Variants in TRIM62 observed in about 807,000 individuals in gnomAD.
TRIM62 encodes tripartite motif containing 62.
In TRIM62, 39 loss-of-function variants were observed where a neutral mutation model predicts 44.2. The ratio of observed to expected loss-of-function variants is 0.88; its 90% CI spans 0.68 to 1.15. The LOEUF is 1.15. Among genes scored for constraint, TRIM62 ranks in the 50% most tolerant of loss-of-function variants. The pLI, the probability that TRIM62 is intolerant of heterozygous loss-of-function variation, is 0.00. For missense variants in TRIM62, 544 were observed against 665.5 expected (o/e 0.82, Z 2.01); for synonymous variants, 278 against 292.3 (o/e 0.95, Z 0.50).
intron 4 of TRIM62, among the ~76,000 whole-genome samples, chr1:33,150,242 TCTTTC>T (rs1325502463): frequency 3.9e-5 from 6 of 152,350 alleles, no homozygotes; most frequent in African/African-American, 1.2e-4. Flanking sequence ...GCTCTCTGGC[TCTTTC>T]CTTTACTGGC....
Position 33,165,459 on chromosome 1 carries a change from G to A in TRIM62, c.504+12C>T, listed in dbSNP as rs111465519. On this transcript the variant is annotated intron_variant, in intron 2 of 4. Coordinates refer to ENST00000291416, the MANE Select transcript of TRIM62 (RefSeq NM_018207.3). This position sits in a 1 kb window ranked among gnomAD's most constrained non-coding sequence, Gnocchi z 4.0. ...TCTGCCGGCCCCACCTCCGCGCCCCGGCCAGGCTCACCTTGGTCTCCGCCA... is the reference window on the plus strand; with the variant it reads ...TCTGCCGGCCCCACCTCCGCGCCCCAGCCAGGCTCACCTTGGTCTCCGCCA... 1.6e-4 allele frequency: 259 copies of A among 1,582,420 alleles called. 1 individual carries two copies. The African/African-American group carries it at 3.0e-3, about 19-fold the overall frequency.
At chr1:33,176,762 C>T (rs57367785) in intron 1 of TRIM62, among the ~76,000 whole-genome samples, 152 of 152,338 alleles carry the variant, frequency 1.0e-3, no homozygotes, top group African/African-American at 3.6e-3. Context: ...CATTTACCAG[C>T]TGCGTGACCA....
At position 33,165,411 on chromosome 1, in the gene TRIM62, C is replaced by G; in HGVS notation, c.504+60G>C. Reference sequence around the variant, plus strand: ...CGCCCCTCTTCCCCAGCTGGCCCCGCCCCTCGAAGCCCTGCCCTCATCTCT... The same window carrying G: ...CGCCCCTCTTCCCCAGCTGGCCCCGGCCCTCGAAGCCCTGCCCTCATCTCT... On this transcript the variant is annotated intron_variant, in intron 2 of 4. Coordinates refer to ENST00000291416, the MANE Select transcript of TRIM62 (RefSeq NM_018207.3). The surrounding 1 kb of genome is among the most constrained non-coding windows in gnomAD (Gnocchi z 4.0). 6.8e-7 allele frequency: 1 copy of G among 1,461,172 alleles called. No homozygotes were observed. Among genetic ancestry groups the G allele is most frequent in the Non-Finnish European group, 9.3e-7 (1 of 1,080,982 alleles). The allele number at this position is 1,461,172 out of a possible 1,614,324, so 90.5% of individuals were successfully genotyped here.
chr1:33,175,001 G>GTATGTA lies in TRIM62; in HGVS notation c.408+6018_408+6023dup, dbSNP rs71006384. Reference sequence around the variant, plus strand: ...TATACATATATATGCACACACACATGTATGTATATGTATATGTATATGTAT... The same window carrying GTATGTA: ...TATACATATATATGCACACACACATGTATGTATATGTATATGTATATGTATATGTAT... On this transcript the variant is annotated intron_variant, in intron 1 of 4. Coordinates refer to ENST00000291416, the MANE Select transcript of TRIM62 (RefSeq NM_018207.3). Among the ~76,000 whole-genome samples the GTATGTA allele has an allele frequency of 3.6e-3, 483 of 135,654 alleles. 2 individuals carry two copies. The highest frequency in any genetic ancestry group is 9.4e-3 in the African/African-American group (324 of 34,312). The allele number at this position is 135,654 out of a possible 152,430, so 89.0% of individuals were successfully genotyped here. A position where few individuals can be genotyped will look rare whatever the true frequency, so the allele number is the denominator to read the frequency against.
In TRIM62 at chr1:33,147,069, G is replaced by T; in HGVS notation, c.*108C>A. The T allele has an allele frequency of 1.6e-6, 2 of 1,231,908 alleles. No homozygotes were observed. Among genetic ancestry groups the T allele is most frequent in the Admixed American group, 4.4e-5 (2 of 44,984 alleles). 76.3% of individuals were successfully genotyped at this position (1,231,908 alleles called of 1,614,324 possible). A position where few individuals can be genotyped will look rare whatever the true frequency, so the allele number is the denominator to read the frequency against. ...AGGCTGGAGGGTAAACAACTGGCCT[G>T]AGGTCTCCAGTGGCCACGGTGGGCT... On this transcript the variant is annotated 3_prime_UTR_variant, in exon 5 of 5. Transcript: ENST00000291416. The surrounding 1 kb of genome is among the most constrained non-coding windows in gnomAD (Gnocchi z 8.1).
In TRIM62 at chr1:33,181,315, C is replaced by T. The variant is rs992573079; in HGVS notation, c.118G>A (p.Val40Met). 24 of 1,567,038 alleles carry T rather than the reference C, an allele frequency of 1.5e-5. No individual in the cohort carries two copies. Among genetic ancestry groups the T allele is most frequent in the Non-Finnish European group, 2.1e-5 (24 of 1,160,868 alleles). The stretch of plus-strand genomic sequence containing the variant: ...CGGGCGCCCTGCGCCTCCTGCCGCA[C>T]CCAGTGCTCCGTGATGCAGCGGCGG... Reference protein sequence around the residue: ...FCRRCITEHWVRQEAQGARDC... With the variant: ...FCRRCITEHWMRQEAQGARDC... Residue 40 changes from valine (V) to methionine (M), a missense_variant, in exon 1 of 5, where the codon GTG becomes ATG. Transcript: ENST00000291416. The surrounding 1 kb of genome is among the most constrained non-coding windows in gnomAD (Gnocchi z 6.5).
rs1033783882 is a variant in TRIM62, at chr1:33,159,698, G to C, written c.751C>G (p.Leu251Val). 6.2e-7 allele frequency: 1 copy of C among 1,607,836 alleles called. No homozygotes were observed. The highest frequency in any genetic ancestry group is 1.3e-5 in the African/African-American group (1 of 74,922). Residue 251 changes from leucine to valine, a missense_variant, in exon 3 of 5, where the codon CTG (leucine) becomes GTG (valine). Leu to Val is a conservative substitution (Grantham distance 32, BLOSUM62 1). Transcript: ENST00000291416. The surrounding 1 kb of genome is among the most constrained non-coding windows in gnomAD (Gnocchi z 4.2). The stretch of plus-strand genomic sequence containing the variant: ...GCGGGTGGCACTTACCGCTCGGACA[G>C]TGAGGCCACCCCAGCCAGGAAGGTG... The part of the protein sequence containing the change: ...RHTFLAGVAS[L>V]SERLKGKIHE...
Position 33,177,123 on chromosome 1 carries a change from G to T in TRIM62, c.408+3902C>A, listed in dbSNP as rs185835546. Among the ~76,000 whole-genome samples the T allele has an allele frequency of 6.6e-6, 1 of 151,264 alleles. No homozygotes were observed. The highest frequency in any genetic ancestry group is 2.1e-4 in the South Asian group (1 of 4,760). On this transcript the variant is annotated intron_variant, in intron 1 of 4. Transcript: ENST00000291416. The surrounding 1 kb of genome is among the most constrained non-coding windows in gnomAD (Gnocchi z 4.1). Reference sequence around the variant, plus strand: ...CACATGCACACACACATGCATGTACGCATGCACACACACGCACATGCACAC... The same window carrying T: ...CACATGCACACACACATGCATGTACTCATGCACACACACGCACATGCACAC...
intron 1 of TRIM62, among the ~76,000 whole-genome samples, chr1:33,174,702 T>C (rs1466144768): frequency 6.6e-6 from 1 of 152,076 alleles, no homozygotes; most frequent in African/African-American, 2.4e-5. Flanking sequence ...TTCTTTCTGC[T>C]CCCTGGCCTG....
chr1:33,159,541 C>T lies in TRIM62; in HGVS notation c.761+147G>A. 1 of 1,205,566 alleles carries T rather than the reference C, an allele frequency of 8.3e-7. No homozygotes were observed. The highest frequency in any genetic ancestry group is 1.1e-6 in the Non-Finnish European group (1 of 887,610). 74.7% of individuals were successfully genotyped at this position (1,205,566 alleles called of 1,614,324 possible). A position where few individuals can be genotyped will look rare whatever the true frequency, so the allele number is the denominator to read the frequency against. On this transcript the variant is annotated intron_variant, in intron 3 of 4. Transcript: ENST00000291416. The surrounding 1 kb of genome is among the most constrained non-coding windows in gnomAD (Gnocchi z 4.2). ...TCATACTCAAGGCTTCATGCTCCTA[C>T]CCATAGCAGATGTCCCGTAAATGTT...
intron 1 of TRIM62, among the ~76,000 whole-genome samples, chr1:33,166,890 G>A (rs956363708): frequency 1.3e-5 from 2 of 152,070 alleles, no homozygotes; most frequent in Non-Finnish European, 2.9e-5. Flanking sequence ...GTTCATCGTG[G>A]GTTTTTTGCA....
chr1:33,150,850 C>T (rs533992174), intron 4 of TRIM62, among the ~76,000 whole-genome samples: 19 of 152,264 alleles, frequency 1.2e-4, no homozygotes, highest in African/African-American at 4.3e-4. Flanking sequence ...GTGGATCACA[C>T]TCAGGTGTGA....
chr1:33,152,235 G>C (rs2124716196), intron 4 of TRIM62, among the ~76,000 whole-genome samples: 1 of 152,312 alleles, frequency 6.6e-6, no homozygotes, highest in Admixed American at 6.5e-5. Context: ...TTCACATCAT[G>C]CTCTTCCCAG....
Position 33,147,675 on chromosome 1 carries a change from C to A in TRIM62, c.930G>T (p.Leu310=). The change falls in exon 5 of 5, where the codon CTG becomes CTT. Residue 310 remains leucine, a synonymous_variant. Coordinates refer to ENST00000291416, the MANE Select transcript of TRIM62 (RefSeq NM_018207.3). The surrounding 1 kb of genome is among the most constrained non-coding windows in gnomAD (Gnocchi z 8.1). ...AAGCCACAATGGTGCAGTCGTCCGACAGGATCAGGCGCTGGTGGGCTGTGC... is the reference window on the plus strand; with the variant it reads ...AAGCCACAATGGTGCAGTCGTCCGAAAGGATCAGGCGCTGGTGGGCTGTGC... The part of the protein sequence containing the change: ...DPGTAHQRLI[L]SDDCTIVAYG... 1.9e-6 allele frequency: 3 copies of A among 1,613,776 alleles called. No homozygotes were observed. The highest frequency in any genetic ancestry group is 2.5e-6 in the Non-Finnish European group (3 of 1,180,000).
In TRIM62 at chr1:33,147,126, C is replaced by T; in HGVS notation, c.*51G>A. The T allele has an allele frequency of 6.3e-7, 1 of 1,581,810 alleles. No individual in the cohort carries two copies. Among genetic ancestry groups the T allele is most frequent in the South Asian group, 1.2e-5 (1 of 85,450 alleles). ...CAGGTCTTCTATCTCCTGGGCAGGG[C>T]TCTTGCAGGTGGCAGTGGTCCCAGG... On this transcript the variant is annotated 3_prime_UTR_variant, in exon 5 of 5. Transcript: ENST00000291416. The surrounding 1 kb of genome is among the most constrained non-coding windows in gnomAD (Gnocchi z 8.1).
chr1:33,155,103 G>T (rs2124722470), intron 4 of TRIM62, among the ~76,000 whole-genome samples: 1 of 142,104 alleles, frequency 7.0e-6, no homozygotes, highest in East Asian at 2.4e-4. Flanking sequence ...AAAAGGTCTC[G>T]CTCTGTCGCC....
intron 4 of TRIM62, among the ~76,000 whole-genome samples, chr1:33,155,133 G>A (rs1370206073): frequency 1.1e-4 from 17 of 148,162 alleles, no homozygotes; most frequent in Admixed American, 4.7e-4. Context: ...GTGCAGTGGC[G>A]CGATCTCGGC....
chr1:33,145,635 A>G lies in TRIM62; in HGVS notation c.*1542T>C, dbSNP rs1645012817. 2 of 271,468 alleles carry G rather than the reference A, an allele frequency of 7.4e-6. No individual in the cohort carries two copies. The highest frequency in any genetic ancestry group is 2.3e-5 in the African/African-American group (1 of 44,372). The allele number at this position is 271,468 out of a possible 1,614,324, so 16.8% of individuals were successfully genotyped here. A position where few individuals can be genotyped will look rare whatever the true frequency, so the allele number is the denominator to read the frequency against. ...ATGGTGTGTTGTGTCAGAGACCCCA[A>G]GTGCAGAATCTAGGCCCCAGGACTA... On this transcript the variant is annotated 3_prime_UTR_variant, in exon 5 of 5. Transcript: ENST00000291416.
chr1:33,153,534 C>T (rs1428680488), intron 4 of TRIM62, among the ~76,000 whole-genome samples: 1 of 152,190 alleles, frequency 6.6e-6, no homozygotes, highest in Non-Finnish European at 1.5e-5. Context: ...AAACATCCTG[C>T]AGAGCACAGA....
Sources: gnomAD v4.1 joint callset for allele counts (sites outside exome capture counted in the v4.1 genomes callset) on GRCh38, gnomAD v4.1.1 for gene constraint, Gnocchi (gnomAD v3.1) non-coding constraint, MANE v1.5 for transcripts, NCBI Gene and HGNC (gene_info 2026-07-23, HGNC 2026-07-21) for gene names.